The following CLIP2 variants were observed in gnomAD, a reference collection of about 807,000 sequenced individuals.
The protein encoded by CLIP2 is CAP-Gly domain containing linker protein 2.
A neutral mutation model predicts 111.7 loss-of-function variants in CLIP2; 41 were observed. The ratio of observed to expected loss-of-function variants is 0.37; its 90% confidence interval spans 0.29 to 0.48. The LOEUF is 0.48. Among genes scored for constraint, CLIP2 ranks in the 20% least tolerant of loss-of-function variants. CLIP2 has a pLI of 0.99. For synonymous variants in CLIP2, 660 were observed against 644.2 expected (o/e 1.02, Z -0.37); for missense variants, 1,160 against 1,422.1 (o/e 0.82, Z 2.96).
chr7:74,399,265 C>T (rs777954419), intron 14 of CLIP2, among the ~76,000 whole-genome samples: 1 of 151,936 alleles, frequency 6.6e-6, no homozygotes, highest in South Asian at 2.1e-4. Flanking sequence ...GTGCTGGGTG[C>T]GGTGGCTCAT....
intron 6 of CLIP2, among the ~76,000 whole-genome samples, chr7:74,359,553 C>T (rs1430465083): frequency 6.6e-6 from 1 of 151,998 alleles, no homozygotes; most frequent in Admixed American, 6.6e-5. Context: ...GATGGGGTTT[C>T]ACCATGTTAG....
At chr7:74,375,554 A>G (rs1790750497) in intron 9 of CLIP2, among the ~76,000 whole-genome samples, 3 of 150,006 alleles carry the variant, frequency 2.0e-5, no homozygotes, top group Non-Finnish European at 3.0e-5. Context: ...CTCAAAAAAA[A>G]AAAAAAAAAA....
intron 7 of CLIP2, among the ~76,000 whole-genome samples, chr7:74,361,034 T>C (rs1163343077): frequency 6.6e-6 from 1 of 151,648 alleles, no homozygotes; most frequent in Admixed American, 6.6e-5. Flanking sequence ...ACACTCACAG[T>C]GCGCCCCTCC....
At position 74,376,890 on chromosome 7, in the gene CLIP2, TC is replaced by T. The variant is rs1398471881; in HGVS notation, c.2421+69del. The T allele has an allele frequency of 7.3e-7, 1 of 1,363,756 alleles. No individual in the cohort carries two copies. The highest frequency in any genetic ancestry group is 9.8e-7 in the Non-Finnish European group (1 of 1,022,968). The allele number at this position is 1,363,756 out of a possible 1,614,324, so 84.5% of individuals were successfully genotyped here. ...GGGAGGGCTTGGCCTTTTGCTGACC[TC>T]TGTTCTGCAGCCCAGGAAGCATTTC... On this transcript the variant is annotated intron_variant, in intron 10 of 16. Transcript: ENST00000223398. The surrounding 1 kb of genome is among the most constrained non-coding windows in gnomAD (Gnocchi z 7.1).
At chr7:74,293,372 C>T (rs1280517110) in intron 1 of CLIP2, among the ~76,000 whole-genome samples, 1 of 152,170 alleles carries the variant, frequency 6.6e-6, no homozygotes, top group Non-Finnish European at 1.5e-5. Flanking sequence ...GTCCCGTCTC[C>T]TTCTCCTTTC....
rs1292054569 is a variant in CLIP2, at chr7:74,404,785, C to T, written c.*937C>T. ...GCAGCTAAGTGGGTCCTTATGTACACACCACGTTCACACACACACAGAGGG... is the reference window on the plus strand; with the variant it reads ...GCAGCTAAGTGGGTCCTTATGTACATACCACGTTCACACACACACAGAGGG... On this transcript the variant is annotated 3_prime_UTR_variant, in exon 17 of 17. Transcript: ENST00000223398. 6.6e-6 allele frequency: 1 copy of T among 152,172 alleles called. No homozygotes were observed. The highest frequency in any genetic ancestry group is 2.4e-5 in the African/African-American group (1 of 41,416). The allele number at this position is 152,172 out of a possible 1,614,324, so 9.4% of individuals were successfully genotyped here.
Position 74,349,453 on chromosome 7 carries a change from T to G in CLIP2, c.679-4427T>G. 4.3e-5 allele frequency among the ~76,000 whole-genome samples: 3 copies of G among 69,898 alleles called. 1 individual carries two copies. The highest frequency in any genetic ancestry group is 5.9e-5 in the Non-Finnish European group (2 of 33,914). 45.9% of individuals were successfully genotyped at this position (69,898 alleles called of 152,430 possible). ...TCAAAAAAAAAAAAAAAAAAGTATG[T>G]ATGTGTGTGTGTGTGTGTATATATA... On this transcript the variant is annotated intron_variant, in intron 3 of 16. Coordinates refer to ENST00000223398, the MANE Select transcript of CLIP2 (RefSeq NM_003388.5).
At chr7:74,399,113 A>G (rs1367294665) in intron 14 of CLIP2, among the ~76,000 whole-genome samples, 1 of 152,154 alleles carries the variant, frequency 6.6e-6, no homozygotes, top group Non-Finnish European at 1.5e-5. Context: ...AGGACTGGGC[A>G]GTGCTGAAGG....
intron 2 of CLIP2, 109 bp downstream of exon 2, chr7:74,317,776 G>T: frequency 8.0e-7 from 1 of 1,256,124 alleles, no homozygotes; most frequent in Non-Finnish European, 1.0e-6. Context: ...TCTGATGGGG[G>T]ACGCTGAGTG....
intron 8 of CLIP2, among the ~76,000 whole-genome samples, chr7:74,365,042 T>A (rs1790441495): frequency 7.4e-6 from 1 of 135,330 alleles, no homozygotes; most frequent in African/African-American, 2.7e-5. Context: ...TGTGTGTGTG[T>A]GTGTGTGTGA....
At chr7:74,369,702 CAA>C (rs1193787572) in intron 8 of CLIP2, among the ~76,000 whole-genome samples, 2 of 147,414 alleles carry the variant, frequency 1.4e-5, no homozygotes, top group African/African-American at 5.1e-5. Flanking sequence ...ACTAAAAATA[CAA>C]AAATTAGCTG....
At chr7:74,401,482 AG>A in intron 15 of CLIP2, 22 bp from the exon 16 acceptor site, 1 of 1,613,264 alleles carries the variant, frequency 6.2e-7, no homozygotes, top group Non-Finnish European at 8.5e-7. Flanking sequence ...CACCTGGCTC[AG>A]TGTCTCCCCT....
rs185676822 is a variant in CLIP2 at position 74,375,006 on chromosome 7, G to T, written c.1486-881G>T. ...CCTTGGGCTGGATATCCTTCCTAAG[G>T]CAGGATAATGCAAAATTCACTGTGG... On this transcript the variant is annotated intron_variant, in intron 9 of 16. Coordinates refer to ENST00000223398, the MANE Select transcript of CLIP2 (RefSeq NM_003388.5). 1.4e-3 allele frequency among the ~76,000 whole-genome samples: 212 copies of T among 152,164 alleles called. 2 individuals carry two copies. The highest frequency in any genetic ancestry group is 5.0e-3 in the African/African-American group (206 of 41,540).
chr7:74,398,134 G>A (rs1338068044), intron 14 of CLIP2, among the ~76,000 whole-genome samples: 4 of 151,566 alleles, frequency 2.6e-5, no homozygotes, highest in Admixed American at 6.6e-5. Flanking sequence ...TGAGGCAGGC[G>A]GATCACTTGA....
chr7:74,359,254 C>G (rs1274843859), intron 6 of CLIP2, among the ~76,000 whole-genome samples: 2 of 151,678 alleles, frequency 1.3e-5, no homozygotes, highest in African/African-American at 4.8e-5. Context: ...CATGTGTGAG[C>G]CACCGTGCCC....
At chr7:74,375,253 T>TAA (rs1562717811) in intron 9 of CLIP2, among the ~76,000 whole-genome samples, 3 of 146,768 alleles carry the variant, frequency 2.0e-5, no homozygotes, top group African/African-American at 7.9e-5. Flanking sequence ...CCCGTCTCTT[T>TAA]TAAAAAAAAA....
intron 2 of CLIP2, among the ~76,000 whole-genome samples, chr7:74,323,343 C>T (rs1373386252): frequency 6.6e-6 from 1 of 151,938 alleles, no homozygotes; most frequent in East Asian, 1.9e-4. Flanking sequence ...AACTCTTGGG[C>T]TCAAGCGATC....
intron 14 of CLIP2, among the ~76,000 whole-genome samples, chr7:74,399,224 A>G (rs1791543991): frequency 6.7e-6 from 1 of 150,252 alleles, no homozygotes; most frequent in African/African-American, 2.5e-5. Flanking sequence ...ACCTCATAAG[A>G]CAGTTGGGTG....
chr7:74,332,522 T>C (rs898875569), intron 2 of CLIP2, among the ~76,000 whole-genome samples: 2 of 147,220 alleles, frequency 1.4e-5, no homozygotes, highest in Non-Finnish European at 3.0e-5. Flanking sequence ...GGTCTTCAAC[T>C]CCTGACCTCA....
Sources: gnomAD v4.1 joint callset for allele counts (sites outside exome capture counted in the v4.1 genomes callset) on GRCh38, gnomAD v4.1.1 for gene constraint, Gnocchi (gnomAD v3.1) non-coding constraint, MANE v1.5 for transcripts, NCBI Gene and HGNC (gene_info 2026-07-23, HGNC 2026-07-21) for gene names.